TTLL11: variants seen among roughly 807,000 people sequenced by gnomAD.
TTLL11 encodes the protein tubulin tyrosine ligase like 11.
TTLL11 carries 42 observed loss-of-function variants against 51.7 expected under a neutral mutation model. The observed-to-expected ratio is 0.81, with a 90% CI of 0.64 to 1.05. The LOEUF is 1.05. TTLL11 is among the 50% of genes least tolerant of loss of function. The pLI is 0.00. For synonymous variants in TTLL11, 381 were observed against 383.5 expected (o/e 0.99, Z 0.08); for missense variants, 799 against 940.4 (o/e 0.85, Z 1.97).
intron 6 of TTLL11, chr9:121,885,340 T>G (rs1301182015): frequency 6.6e-6 from 1 of 152,192 alleles, no homozygotes; most frequent in Non-Finnish European, 1.5e-5. Flanking sequence ...TGTACAGAAG[T>G]CTTCCACTGT....
chr9:122,051,276 A>G (rs1445273633), intron 1 of TTLL11, among the ~76,000 whole-genome samples: 1 of 152,204 alleles, frequency 6.6e-6, no homozygotes, highest in Non-Finnish European at 1.5e-5. Context: ...TTATCTCCAA[A>G]GACTGCATTC....
chr9:121,950,599 G>T (rs574463637), intron 6 of TTLL11, among the ~76,000 whole-genome samples: 3 of 152,104 alleles, frequency 2.0e-5, no homozygotes, highest in Non-Finnish European at 4.4e-5. Flanking sequence ...GGCTTCTCCC[G>T]GGGACACTTG....
At chr9:122,049,777 T>C (rs1845110062) in intron 1 of TTLL11, among the ~76,000 whole-genome samples, 1 of 152,116 alleles carries the variant, frequency 6.6e-6, no homozygotes, top group Non-Finnish European at 1.5e-5. Context: ...CTTTGCAAAA[T>C]GAAATTTCAC....
At chr9:122,001,134 C>G (rs1843450351) in intron 3 of TTLL11, among the ~76,000 whole-genome samples, 1 of 152,116 alleles carries the variant, frequency 6.6e-6, no homozygotes, top group South Asian at 2.1e-4. Flanking sequence ...TCTCACTCGT[C>G]GCCCAGGCTG....
chr9:121,844,068 G>A (rs74566619), intron 8 of TTLL11, among the ~76,000 whole-genome samples: 3,899 of 152,070 alleles, frequency 0.026, 106 homozygotes, highest in African/African-American at 0.073. Flanking sequence ...CACATAAAGG[G>A]AGAAAAAAGG....
chr9:122,015,807 C>CAAAA (rs11297849), intron 3 of TTLL11, among the ~76,000 whole-genome samples: 1,968 of 94,166 alleles, frequency 0.021, 47 homozygotes, highest in African/African-American at 0.07. Flanking sequence ...TCAAAAGAGA[C>CAAAA]AAAAAAAAAA....
At chr9:122,059,371 T>G (rs1363343264) in intron 1 of TTLL11, among the ~76,000 whole-genome samples, 1 of 152,142 alleles carries the variant, frequency 6.6e-6, no homozygotes, top group Admixed American at 6.5e-5. Flanking sequence ...TTAAAACTCC[T>G]AACAACCCTA....
At chr9:121,836,524 G>C (rs116629805) in intron 8 of TTLL11, among the ~76,000 whole-genome samples, 1 of 152,092 alleles carries the variant, frequency 6.6e-6, no homozygotes, top group African/African-American at 2.4e-5. Context: ...AACCTCCCCC[G>C]ACACCCCAGT....
At chr9:122,057,454 T>G (rs542151041) in intron 1 of TTLL11, among the ~76,000 whole-genome samples, 9 of 151,712 alleles carry the variant, frequency 5.9e-5, no homozygotes, top group African/African-American at 1.7e-4. Flanking sequence ...TCGGAGTCAG[T>G]AACTGGGATT....
chr9:122,085,871 A>G (rs1374048420), intron 1 of TTLL11, among the ~76,000 whole-genome samples: 1 of 152,218 alleles, frequency 6.6e-6, no homozygotes, highest in African/African-American at 2.4e-5. Context: ...CACACAAGCA[A>G]TCAGAGGCAA....
At position 121,823,655 on chromosome 9, in the gene TTLL11, G is replaced by T. The variant is rs117711592; in HGVS notation, c.1841-776C>A. Among the ~76,000 whole-genome samples the T allele has an allele frequency of 7.5e-3, 1,148 of 152,332 alleles. 6 individuals are homozygous for T. Among genetic ancestry groups the T allele is most frequent in the Middle Eastern group, 0.034 (10 of 294 alleles). ...GACGGCAAAGTTCTATCTGATAACA[G>T]AGATGCTGGTTACATGGGTGTGTGC... On this transcript the variant is annotated intron_variant, in intron 8 of 8. Coordinates refer to ENST00000321582, the MANE Select transcript of TTLL11 (RefSeq NM_001139442.2).
At chr9:121,983,361 G>A (rs1441566432) in intron 4 of TTLL11, among the ~76,000 whole-genome samples, 1 of 152,146 alleles carries the variant, frequency 6.6e-6, no homozygotes, top group Non-Finnish European at 1.5e-5. Flanking sequence ...GTGGGCACTG[G>A]GATATACCAA....
chr9:122,063,561 AC>A (rs1845492844), intron 1 of TTLL11, among the ~76,000 whole-genome samples: 1 of 152,236 alleles, frequency 6.6e-6, no homozygotes, highest in East Asian at 1.9e-4. Context: ...ATTTAAGATC[AC>A]CTGTATTTCG....
intron 1 of TTLL11, among the ~76,000 whole-genome samples, chr9:122,070,106 C>G (rs1048549109): frequency 6.6e-6 from 1 of 152,066 alleles, no homozygotes; most frequent in African/African-American, 2.4e-5. Flanking sequence ...TCATTATCCC[C>G]CATGAAGAGC....
At chr9:122,004,796 G>A (rs1843590603) in intron 3 of TTLL11, among the ~76,000 whole-genome samples, 1 of 152,214 alleles carries the variant, frequency 6.6e-6, no homozygotes. Flanking sequence ...GTTGGCGGAG[G>A]CCATGGGGCA....
intron 6 of TTLL11, among the ~76,000 whole-genome samples, chr9:121,940,667 C>T (rs1398190606): frequency 6.6e-6 from 1 of 152,116 alleles, no homozygotes; most frequent in Non-Finnish European, 1.5e-5. Context: ...TATCCTCCTC[C>T]TTCACTCACC....
At chr9:122,076,608 G>C (rs1845866611) in intron 1 of TTLL11, among the ~76,000 whole-genome samples, 1 of 152,096 alleles carries the variant, frequency 6.6e-6, no homozygotes, top group South Asian at 2.1e-4. Context: ...TAAGTGTTCT[G>C]GGTAGTAGAG....
intron 7 of TTLL11, among the ~76,000 whole-genome samples, chr9:121,866,880 G>A (rs1838195739): frequency 6.6e-6 from 1 of 152,120 alleles, no homozygotes; most frequent in Admixed American, 6.5e-5. Context: ...TCCCTAATGA[G>A]TTTGGCCACT....
intron 8 of TTLL11, among the ~76,000 whole-genome samples, chr9:121,834,683 C>T (rs752519157): frequency 6.6e-6 from 1 of 151,930 alleles, no homozygotes; most frequent in Non-Finnish European, 1.5e-5. Flanking sequence ...AAAAATTAGC[C>T]GGGCATGGTG....
Sources: gnomAD v4.1 joint callset for allele counts (sites outside exome capture counted in the v4.1 genomes callset) on GRCh38, gnomAD v4.1.1 for gene constraint, MANE v1.5 for transcripts, NCBI Gene and HGNC (gene_info 2026-07-23, HGNC 2026-07-21) for gene names.